CLRN1: variants seen among roughly 807,000 people sequenced by gnomAD.
The protein encoded by CLRN1 is clarin 1.
A neutral mutation model predicts 18.7 loss-of-function variants in CLRN1; 15 were observed. The observed-to-expected ratio is 0.80, with a 90% CI of 0.54 to 1.23. CLRN1 has a LOEUF of 1.23. CLRN1 is among the 50% of genes most tolerant of loss of function. The pLI is 0.00. For missense variants in CLRN1, 311 were observed against 277.5 expected, an observed-to-expected ratio of 1.12 and a Z score of -0.86; for synonymous variants, 104 against 102.9, an observed-to-expected ratio of 1.01 and a Z score of -0.07.
chr3:150,955,966 A>G (rs1714718872), intron 1 of CLRN1, among the ~76,000 whole-genome samples: 1 of 152,182 alleles, frequency 6.6e-6, no homozygotes, highest in Non-Finnish European at 1.5e-5. Context: ...ACTATTTCCT[A>G]TATTACTATT....
chr3:150,936,249 G>T (rs1331385565), intron 2 of CLRN1, among the ~76,000 whole-genome samples: 1 of 152,134 alleles, frequency 6.6e-6, no homozygotes. Flanking sequence ...CTCCCTAGGT[G>T]ATCTCATCCA....
At chr3:150,939,049 T>C (rs1713649862) in intron 2 of CLRN1, among the ~76,000 whole-genome samples, 1 of 152,248 alleles carries the variant, frequency 6.6e-6, no homozygotes, top group South Asian at 2.1e-4. Context: ...GCTAGACGGC[T>C]GTTGCTGCTA....
rs770084199 is a variant in CLRN1 at position 150,972,601 on chromosome 3, G to A, written c.108C>T (p.Ala36=). The part of the protein sequence containing the change: ...TALGTPLWIK[A]TVLCKTGALL... Reference sequence around the variant, plus strand: ...GAGCTCCCGTTTTGCAGAGGACAGTGGCTTTGATCCACAACGGTGTCCCCA... The same window carrying A: ...GAGCTCCCGTTTTGCAGAGGACAGTAGCTTTGATCCACAACGGTGTCCCCA... The change falls in exon 1 of 3, where the codon GCC becomes GCT. Residue 36 remains alanine (A), a synonymous_variant. Coordinates refer to ENST00000327047, the MANE Select transcript of CLRN1 (RefSeq NM_174878.3). The A allele has an allele frequency of 1.2e-6, 2 of 1,614,212 alleles. No homozygotes were observed. The highest frequency in any genetic ancestry group is 2.2e-5 in the South Asian group (2 of 91,086).
intron 1 of CLRN1, among the ~76,000 whole-genome samples, chr3:150,955,202 A>T (rs939842015): frequency 1.3e-5 from 2 of 152,252 alleles, no homozygotes; most frequent in African/African-American, 4.8e-5. Flanking sequence ...AATGATAAGG[A>T]CAGAAAACAG....
At chr3:150,937,975 C>G (rs1389037200) in intron 2 of CLRN1, among the ~76,000 whole-genome samples, 4 of 152,128 alleles carry the variant, frequency 2.6e-5, no homozygotes, top group Non-Finnish European at 5.9e-5. Context: ...ACTTCTTTTC[C>G]CTTCCCTTCC....
intron 2 of CLRN1, 27 bp from the exon 3 acceptor site, chr3:150,928,228 G>T: frequency 6.2e-7 from 1 of 1,613,186 alleles, no homozygotes; most frequent in South Asian, 1.1e-5. Flanking sequence ...AAGGTGTTGG[G>T]ACAAATATTT....
chr3:150,971,315 A>G (rs946368430), intron 1 of CLRN1, among the ~76,000 whole-genome samples: 2 of 152,154 alleles, frequency 1.3e-5, no homozygotes, highest in East Asian at 3.8e-4. Flanking sequence ...GCTAACAACC[A>G]ATTCTTGGAA....
At chr3:150,940,691 G>A (rs571339330) in intron 2 of CLRN1, among the ~76,000 whole-genome samples, 27 of 152,312 alleles carry the variant, frequency 1.8e-4, no homozygotes, top group Middle Eastern at 6.8e-3. Flanking sequence ...TGAAGTCAGA[G>A]ATCTCCTACA....
chr3:150,957,023 G>A (rs1463174973), intron 1 of CLRN1, among the ~76,000 whole-genome samples: 1 of 152,104 alleles, frequency 6.6e-6, no homozygotes, highest in Non-Finnish European at 1.5e-5. Context: ...CACCTTCTTT[G>A]TGGTGTATAC....
chr3:150,953,623 T>C (rs1576639573), intron 1 of CLRN1, among the ~76,000 whole-genome samples: 1 of 152,082 alleles, frequency 6.6e-6, no homozygotes, highest in Non-Finnish European at 1.5e-5. Context: ...GTTCAAGTGA[T>C]CCTCCCACCT....
At chr3:150,953,487 TA>T (rs1714590263) in intron 1 of CLRN1, among the ~76,000 whole-genome samples, 1 of 151,900 alleles carries the variant, frequency 6.6e-6, no homozygotes, top group African/African-American at 2.4e-5. Context: ...GTAATAACAA[TA>T]AGAAAAAAAA....
chr3:150,954,131 C>T (rs1714623069), intron 1 of CLRN1, among the ~76,000 whole-genome samples: 1 of 152,190 alleles, frequency 6.6e-6, no homozygotes, highest in Non-Finnish European at 1.5e-5. Flanking sequence ...ACTTTCCCCA[C>T]CCCTACCAGG....
At chr3:150,957,607 C>T (rs1714812911) in intron 1 of CLRN1, among the ~76,000 whole-genome samples, 1 of 152,192 alleles carries the variant, frequency 6.6e-6, no homozygotes, top group Admixed American at 6.5e-5. Context: ...CAAGTCTCCC[C>T]TCTCTACCCA....
intron 1 of CLRN1, among the ~76,000 whole-genome samples, chr3:150,954,928 T>A: frequency 6.6e-6 from 1 of 152,346 alleles, no homozygotes; most frequent in South Asian, 2.1e-4. Context: ...ATTGAAAACA[T>A]GTGTCCACAC....
chr3:150,956,002 T>C (rs1038245761), intron 1 of CLRN1, among the ~76,000 whole-genome samples: 3 of 152,216 alleles, frequency 2.0e-5, no homozygotes, highest in Non-Finnish European at 4.4e-5. Context: ...TGAAATCACC[T>C]TCTGTTCTTT....
Position 150,935,131 on chromosome 3 carries a change from T to A in CLRN1, c.433+6451A>T, listed in dbSNP as rs73153893. On this transcript the variant is annotated intron_variant, in intron 2 of 2. Coordinates refer to ENST00000327047, the MANE Select transcript of CLRN1 (RefSeq NM_174878.3). The stretch of plus-strand genomic sequence containing the variant: ...AATTGGTCCTACATCAATTTTTGTT[T>A]TTTTATTTTATTTTATTTTATTATT... Among the ~76,000 whole-genome samples, 292 of 71,476 alleles carry A rather than the reference T, an allele frequency of 4.1e-3. 1 individual carries two copies. The highest frequency in any genetic ancestry group is 8.0e-3 in the Non-Finnish European group (229 of 28,466). The allele number at this position is 71,476 out of a possible 152,430, so 46.9% of individuals were successfully genotyped here. A position where few individuals can be genotyped will look rare whatever the true frequency, so the allele number is the denominator to read the frequency against.
chr3:150,948,709 A>G (rs1030064411), intron 1 of CLRN1, among the ~76,000 whole-genome samples: 3 of 152,126 alleles, frequency 2.0e-5, no homozygotes, highest in African/African-American at 7.2e-5. Flanking sequence ...TTAGGGAATC[A>G]GTAATAAATA....
At chr3:150,959,432 C>A (rs2077456645) in intron 1 of CLRN1, among the ~76,000 whole-genome samples, 2 of 151,986 alleles carry the variant, frequency 1.3e-5, no homozygotes, top group Non-Finnish European at 2.9e-5. Flanking sequence ...AGTTCAAGAC[C>A]AGCCTGGCCA....
intron 1 of CLRN1, 137 bp downstream of exon 1, chr3:150,972,319 C>G: frequency 9.5e-7 from 1 of 1,057,080 alleles, no homozygotes; most frequent in Non-Finnish European, 1.4e-6. Context: ...TGCTCAGAGT[C>G]ATAGGTTTTT....
Sources: gnomAD v4.1 joint callset for allele counts (sites outside exome capture counted in the v4.1 genomes callset) on GRCh38, gnomAD v4.1.1 for gene constraint, MANE v1.5 for transcripts, NCBI Gene and HGNC (gene_info 2026-07-23, HGNC 2026-07-21) for gene names.